Variants in GRM8 observed in about 807,000 individuals in gnomAD.
GRM8 encodes glutamate metabotropic receptor 8, also known as metabotropic glutamate receptor 8.
In GRM8, 47 loss-of-function variants were observed where a neutral mutation model predicts 87.2. The observed-to-expected ratio is 0.54, with a 90% CI of 0.43 to 0.69. The LOEUF (loss-of-function observed/expected upper bound fraction) is 0.69, where lower values mean the gene tolerates loss of function less well. Among genes scored for constraint, GRM8 ranks in the 30% least tolerant of loss-of-function variants. The pLI is 0.00. For synonymous variants in GRM8, 396 were observed against 404.5 expected, an observed-to-expected ratio of 0.98 and a Z score of 0.25; for missense variants, 1,019 against 1,139.2, an observed-to-expected ratio of 0.89 and a Z score of 1.52.
chr7:126,791,957 G>A (rs1417793756), intron 6 of GRM8, among the ~76,000 whole-genome samples: 1 of 152,188 alleles, frequency 6.6e-6, no homozygotes, highest in Non-Finnish European at 1.5e-5. Flanking sequence ...TGCTGAGTTT[G>A]CTTCTGAAAT....
At chr7:126,487,922 C>T (rs1431867832) in intron 9 of GRM8, among the ~76,000 whole-genome samples, 1 of 151,916 alleles carries the variant, frequency 6.6e-6, no homozygotes, top group Non-Finnish European at 1.5e-5. Flanking sequence ...AAGGAAATAT[C>T]CACCATATGT....
intron 3 of GRM8, among the ~76,000 whole-genome samples, chr7:126,966,925 A>T (rs1809930592): frequency 6.6e-6 from 1 of 152,192 alleles, no homozygotes; most frequent in Non-Finnish European, 1.5e-5. Flanking sequence ...TGAAGCACCC[A>T]TTGTTCAAAA....
At chr7:126,721,188 G>T (rs1397128064) in intron 7 of GRM8, among the ~76,000 whole-genome samples, 1 of 152,094 alleles carries the variant, frequency 6.6e-6, no homozygotes, top group Non-Finnish European at 1.5e-5. Flanking sequence ...AAAAGCCTCA[G>T]GGCTTGGCTT....
intron 7 of GRM8, among the ~76,000 whole-genome samples, chr7:126,658,442 T>C (rs1041684713): frequency 2.6e-5 from 4 of 152,038 alleles, no homozygotes; most frequent in Admixed American, 6.5e-5. Flanking sequence ...GAGCAGAGAA[T>C]AGGATCTAAA....
chr7:126,760,695 A>G (rs1267695702), intron 7 of GRM8, among the ~76,000 whole-genome samples: 1 of 152,196 alleles, frequency 6.6e-6, no homozygotes, highest in East Asian at 1.9e-4. Flanking sequence ...ATATTTCCAA[A>G]TTATTAATTT....
intron 6 of GRM8, among the ~76,000 whole-genome samples, chr7:126,848,893 G>T (rs959035115): frequency 6.6e-6 from 1 of 152,124 alleles, no homozygotes; most frequent in African/African-American, 2.4e-5. Context: ...AGGTTTAATG[G>T]ACTTACAGTT....
At chr7:126,975,139 T>C (rs1810856404) in intron 3 of GRM8, among the ~76,000 whole-genome samples, 1 of 152,064 alleles carries the variant, frequency 6.6e-6, no homozygotes, top group Non-Finnish European at 1.5e-5. Context: ...ATATTTCCTC[T>C]TGGTGTAAGA....
At chr7:126,866,665 C>CA (rs1798624479) in intron 6 of GRM8, among the ~76,000 whole-genome samples, 1 of 137,386 alleles carries the variant, frequency 7.3e-6, no homozygotes, top group Non-Finnish European at 1.5e-5. Flanking sequence ...AATCTCGGCT[C>CA]ACAGCAACCT....
intron 7 of GRM8, among the ~76,000 whole-genome samples, chr7:126,661,813 T>C (rs770163599): frequency 2.6e-5 from 4 of 152,200 alleles, no homozygotes; most frequent in African/African-American, 7.2e-5. Context: ...AATCCACTCA[T>C]AGAGATGGAA....
rs558864324 is a variant in GRM8, at chr7:127,164,190, C to G, written c.511-57478G>C. On this transcript the variant is annotated intron_variant, in intron 2 of 10. Transcript: ENST00000339582. ...CTGGCCATGCGATGTGCCTGCTCCC[C>G]CTTTGCCTTCCACAATGTTTGTAAG... Among the ~76,000 whole-genome samples, 7 of 152,222 alleles carry G rather than the reference C, an allele frequency of 4.6e-5. No individual in the cohort carries two copies. The East Asian group carries it at 1.4e-3, about 29-fold the overall frequency.
chr7:126,844,561 C>T (rs923188854), intron 6 of GRM8, among the ~76,000 whole-genome samples: 2 of 152,176 alleles, frequency 1.3e-5, no homozygotes, highest in African/African-American at 4.8e-5. Context: ...GGTTTAGTCA[C>T]TTGCTGTCTG....
At chr7:126,543,981 G>A (rs1021287026) in intron 8 of GRM8, among the ~76,000 whole-genome samples, 1 of 152,144 alleles carries the variant, frequency 6.6e-6, no homozygotes, top group African/African-American at 2.4e-5. Context: ...TGAAAATTTA[G>A]GGGCCTTGGT....
intron 8 of GRM8, among the ~76,000 whole-genome samples, chr7:126,541,761 A>G (rs117056991): frequency 2.9e-4 from 44 of 152,348 alleles, no homozygotes; most frequent in Non-Finnish European, 4.9e-4. Context: ...GTACAAAGGT[A>G]CATACAAGAA....
intron 3 of GRM8, among the ~76,000 whole-genome samples, chr7:127,066,651 T>A (rs1173156229): frequency 6.6e-6 from 1 of 152,224 alleles, no homozygotes; most frequent in African/African-American, 2.4e-5. Flanking sequence ...TTCTTTGTAT[T>A]GGAAACATTC....
chr7:127,208,105 G>T (rs1406407897), intron 2 of GRM8, among the ~76,000 whole-genome samples: 3 of 152,158 alleles, frequency 2.0e-5, no homozygotes, highest in Admixed American at 6.5e-5. Context: ...AAGAGACCAT[G>T]GACCATGGAC....
intron 6 of GRM8, among the ~76,000 whole-genome samples, chr7:126,792,388 A>G (rs1821445611): frequency 6.6e-6 from 1 of 152,150 alleles, no homozygotes; most frequent in Non-Finnish European, 1.5e-5. Context: ...CTTATTAGAA[A>G]AGTAAATTCT....
intron 2 of GRM8, among the ~76,000 whole-genome samples, chr7:127,204,661 T>A (rs75326156): frequency 1.5e-5 from 2 of 132,124 alleles, no homozygotes; most frequent in Non-Finnish European, 1.6e-5. Context: ...ACTGTCCAAA[T>A]TTTTTTTTTT....
At chr7:126,450,669 T>C (rs987802990) in intron 9 of GRM8, among the ~76,000 whole-genome samples, 1 of 151,482 alleles carries the variant, frequency 6.6e-6, no homozygotes, top group African/African-American at 2.4e-5. Context: ...GAAACTGGAG[T>C]TGTCCTGTGG....
intron 2 of GRM8, among the ~76,000 whole-genome samples, chr7:127,190,003 T>C (rs1422969773): frequency 1.3e-5 from 2 of 152,266 alleles, no homozygotes; most frequent in Non-Finnish European, 2.9e-5. Context: ...TGTTTATGCC[T>C]GGGCCAGCTG....
Sources: gnomAD v4.1 joint callset for allele counts (sites outside exome capture counted in the v4.1 genomes callset) on GRCh38, gnomAD v4.1.1 for gene constraint, MANE v1.5 for transcripts, NCBI Gene and HGNC (gene_info 2026-07-23, HGNC 2026-07-21) for gene names.